DIAPH3: variants seen among roughly 807,000 people sequenced by gnomAD.
DIAPH3 encodes protein diaphanous homolog 3.
A neutral mutation model predicts 144.3 loss-of-function variants in DIAPH3; 117 were observed. That is an observed-to-expected ratio of 0.81 (90% CI 0.70 to 0.95). The LOEUF (loss-of-function observed/expected upper bound fraction) is 0.95. Among genes scored for constraint, DIAPH3 ranks in the 40% least tolerant of loss-of-function variants. DIAPH3 has a pLI of 0.00. For synonymous variants in DIAPH3, 519 were observed against 488.9 expected (o/e 1.06, Z -0.81); for missense variants, 1,421 against 1,412.7 (o/e 1.01, Z -0.09).
chr13:59,775,131 T>A (rs540146979), intron 25 of DIAPH3, among the ~76,000 whole-genome samples: 1 of 152,346 alleles, frequency 6.6e-6, no homozygotes, highest in East Asian at 1.9e-4. Context: ...GTTCTAGTCA[T>A]GTTTGAGTCT....
At chr13:60,088,533 C>T (rs935996851) in intron 4 of DIAPH3, among the ~76,000 whole-genome samples, 4 of 152,000 alleles carry the variant, frequency 2.6e-5, no homozygotes, top group South Asian at 4.2e-4. Flanking sequence ...TTCATATTGC[C>T]GCAGATTACC....
intron 27 of DIAPH3, among the ~76,000 whole-genome samples, chr13:59,718,655 C>T (rs2035184539): frequency 6.6e-6 from 1 of 152,060 alleles, no homozygotes. Flanking sequence ...AATATTAACA[C>T]ATGTACTATA....
intron 27 of DIAPH3, among the ~76,000 whole-genome samples, chr13:59,773,836 A>G (rs1194499299): frequency 6.6e-6 from 1 of 152,198 alleles, no homozygotes; most frequent in Non-Finnish European, 1.5e-5. Flanking sequence ...GACAGATTTA[A>G]TACTTCAAAT....
intron 5 of DIAPH3, among the ~76,000 whole-genome samples, chr13:60,032,207 G>T (rs1339933534): frequency 6.6e-6 from 1 of 152,112 alleles, no homozygotes; most frequent in Non-Finnish European, 1.5e-5. Flanking sequence ...GCTTTTCCAG[G>T]TGTAGGGTGC....
chr13:59,835,053 T>C (rs1226254576), intron 23 of DIAPH3, among the ~76,000 whole-genome samples: 1 of 151,790 alleles, frequency 6.6e-6, no homozygotes, highest in Non-Finnish European at 1.5e-5. Flanking sequence ...TATCCCACAT[T>C]TATTTTTAGG....
At chr13:59,809,809 G>A (rs1943029049) in intron 25 of DIAPH3, among the ~76,000 whole-genome samples, 2 of 152,204 alleles carry the variant, frequency 1.3e-5, no homozygotes. Context: ...AGGCAAAGTA[G>A]GCATCTCTGT....
chr13:60,014,837 A>G (rs2053524563), intron 7 of DIAPH3, among the ~76,000 whole-genome samples: 1 of 152,206 alleles, frequency 6.6e-6, no homozygotes, highest in Non-Finnish European at 1.5e-5. Flanking sequence ...TAGATGCTGG[A>G]GCTTAAAGAA....
intron 17 of DIAPH3, among the ~76,000 whole-genome samples, chr13:59,947,166 G>A (rs572025424): frequency 3.9e-5 from 6 of 152,152 alleles, no homozygotes; most frequent in South Asian, 4.2e-4. Flanking sequence ...AGCTCATACC[G>A]GAATAATAAC....
At chr13:59,868,951 T>G (rs1484511696) in intron 21 of DIAPH3, among the ~76,000 whole-genome samples, 6 of 152,226 alleles carry the variant, frequency 3.9e-5, no homozygotes, top group African/African-American at 1.4e-4. Flanking sequence ...TACCACAGTT[T>G]ATCCATTCAC....
intron 5 of DIAPH3, among the ~76,000 whole-genome samples, chr13:60,016,966 A>T (rs190646280): frequency 1.2e-4 from 18 of 152,338 alleles, no homozygotes; most frequent in African/African-American, 3.1e-4. Context: ...ACCTAGGCCA[A>T]TAAATAATAA....
intron 5 of DIAPH3, among the ~76,000 whole-genome samples, chr13:60,042,335 T>A (rs1040065444): frequency 3.5e-4 from 54 of 152,202 alleles, no homozygotes; most frequent in African/African-American, 1.3e-3. Context: ...GTGGTATTTC[T>A]TACTGTGTCA....
chr13:59,873,787 C>T (rs2044432269), intron 21 of DIAPH3, among the ~76,000 whole-genome samples: 1 of 151,488 alleles, frequency 6.6e-6, no homozygotes, highest in Non-Finnish European at 1.5e-5. Context: ...CTGCCTCAGC[C>T]TCACGAATAG....
At chr13:59,697,242 G>A (rs375138213) in intron 27 of DIAPH3, among the ~76,000 whole-genome samples, 2 of 151,542 alleles carry the variant, frequency 1.3e-5, no homozygotes, top group South Asian at 2.1e-4. Context: ...GGCGGATCAC[G>A]AGATCAGGAG....
intron 22 of DIAPH3, among the ~76,000 whole-genome samples, chr13:59,840,537 A>G (rs985028328): frequency 2.6e-5 from 4 of 152,178 alleles, no homozygotes; most frequent in Non-Finnish European, 4.4e-5. Flanking sequence ...GTGTAAGAAT[A>G]TGAAATGGTG....
At chr13:60,008,775 G>A in intron 8 of DIAPH3, 126 bp from the exon 9 acceptor site, 2 of 707,112 alleles carry the variant, frequency 2.8e-6, no homozygotes, top group Non-Finnish European at 5.1e-6. Context: ...AGATTACTGA[G>A]TACATACCAT....
At position 59,813,533 on chromosome 13, in the gene DIAPH3, G is replaced by A. The variant is rs559241089; in HGVS notation, c.3028-2610C>T. ...ATATTATGGTCATGTATATTAAGAG[G>A]CAGCTATGAGACAAAAGTTGTAATA... On this transcript the variant is annotated intron_variant, in intron 24 of 27. Coordinates refer to ENST00000400324, the MANE Select transcript of DIAPH3 (RefSeq NM_001042517.2). Among the ~76,000 whole-genome samples the A allele has an allele frequency of 2.0e-5, 3 of 152,066 alleles. No individual in the cohort carries two copies. The East Asian group carries it at 5.8e-4, about 29-fold the overall frequency.
rs997028771 is a variant in DIAPH3, at chr13:60,016,213, T to C, written c.627-68A>G. ...AGCTTGTGTTATCATATTATATACC[T>C]ACAAGTATTTTATATTTGCTATATT... On this transcript the variant is annotated intron_variant, in intron 5 of 27. Transcript: ENST00000400324. 3 of 1,343,296 alleles carry C rather than the reference T, an allele frequency of 2.2e-6. No individual in the cohort carries two copies. In the South Asian group the frequency reaches 3.6e-5, roughly 16 times the overall value. The allele number at this position is 1,343,296 out of a possible 1,614,324, so 83.2% of individuals were successfully genotyped here. A position where few individuals can be genotyped will look rare whatever the true frequency, so the allele number is the denominator to read the frequency against.
intron 3 of DIAPH3, among the ~76,000 whole-genome samples, chr13:60,104,468 C>T (rs962508132): frequency 6.6e-6 from 1 of 151,542 alleles, no homozygotes; most frequent in Non-Finnish European, 1.5e-5. Flanking sequence ...CTCATAAACA[C>T]TATTTTTTGG....
chr13:59,730,486 GATTGTAGGGTGGA>G (rs2035843932), intron 27 of DIAPH3, among the ~76,000 whole-genome samples: 1 of 152,144 alleles, frequency 6.6e-6, no homozygotes, highest in African/African-American at 2.4e-5. Context: ...TAAAAGGAGA[GATTGTAGGGTGGA>G]ATGCATCACA....
Sources: allele counts gnomAD v4.1 joint callset (sites outside exome capture counted in the v4.1 genomes callset), GRCh38; gene constraint gnomAD v4.1.1; transcripts MANE v1.5; gene names NCBI Gene and HGNC (gene_info 2026-07-23, HGNC 2026-07-21).